DCAF12L1: variants seen among roughly 807,000 people sequenced by gnomAD.
DCAF12L1 encodes DDB1- and CUL4-associated factor 12-like protein 1.
For synonymous variants in DCAF12L1, 218 were observed against 196.4 expected, an observed-to-expected ratio of 1.11 and a Z score of -0.92; for missense variants, 251 against 409.2, an observed-to-expected ratio of 0.61 and a Z score of 3.34.
Position 126,551,683 on chromosome X carries a change from T to C in DCAF12L1, c.926A>G (p.Asn309Ser). ...LSIRLPYFRD[N>S]VCLTYCDDMS... ...ATCATCACAGTAGGTCAGGCACACA[T>C]TATCCCGGAAGTAGGGCAGCCTGAT... Residue 309 changes from asparagine (N) to serine (S), a missense_variant, in exon 1 of 2, where the codon AAT becomes AGT. Coordinates refer to ENST00000371126, the MANE Select transcript of DCAF12L1 (RefSeq NM_178470.5). 3 of 1,211,784 alleles carry C rather than the reference T, an allele frequency of 2.5e-6. No homozygotes were observed. The highest frequency in any genetic ancestry group is 3.3e-6 in the Non-Finnish European group (3 of 895,563).
rs894063375 is a variant in DCAF12L1, at chrX:126,550,270, G to T, written c.*860C>A. ...TATACCCTGGATCAGTATACATTCT[G>T]CCCAGCCTGCCATACATTCCACGTT... On this transcript the variant is annotated 3_prime_UTR_variant, in exon 2 of 2. Transcript: ENST00000371126. The T allele has an allele frequency of 1.8e-4, 20 of 111,902 alleles. No homozygotes were observed. The highest frequency in any genetic ancestry group is 6.5e-4 in the African/African-American group (20 of 30,697). 9.2% of individuals were successfully genotyped at this position (111,902 alleles called of 1,213,427 possible). A position where few individuals can be genotyped will look rare whatever the true frequency, so the allele number is the denominator to read the frequency against.
Position 126,550,776 on chromosome X carries a change from C to T in DCAF12L1, c.*354G>A, listed in dbSNP as rs1927447591. 1 of 118,011 alleles carries T rather than the reference C, an allele frequency of 8.5e-6. No homozygotes were observed. Among genetic ancestry groups the T allele is most frequent in the African/African-American group, 3.2e-5 (1 of 31,065 alleles). The allele number at this position is 118,011 out of a possible 1,213,427, so 9.7% of individuals were successfully genotyped here. A position where few individuals can be genotyped will look rare whatever the true frequency, so the allele number is the denominator to read the frequency against. On this transcript the variant is annotated 3_prime_UTR_variant, in exon 2 of 2. Transcript: ENST00000371126. ...GCTCTCCAGAAAAGATGTAGGAACA[C>T]CTTGCTTACTAGAAAATTTTCTCTT...
In DCAF12L1 at chrX:126,551,201, T is replaced by C; in HGVS notation, c.*16A>G. ...GAAAGGTAAATCTGTGTACCTGGAGTACAAGGCGGTCATCCTTAGCTCCAG... is the reference window on the plus strand; with the variant it reads ...GAAAGGTAAATCTGTGTACCTGGAGCACAAGGCGGTCATCCTTAGCTCCAG... On this transcript the variant is annotated 3_prime_UTR_variant, in exon 1 of 2. Coordinates refer to ENST00000371126, the MANE Select transcript of DCAF12L1 (RefSeq NM_178470.5). 1.7e-6 allele frequency: 2 copies of C among 1,190,006 alleles called. No individual in the cohort carries two copies. Among genetic ancestry groups the C allele is most frequent in the African/African-American group, 1.8e-5 (1 of 56,799 alleles).
At position 126,552,769 on chromosome X, in the gene DCAF12L1, G is replaced by A. The variant is rs1163100854; in HGVS notation, c.-161C>T. On this transcript the variant is annotated 5_prime_UTR_variant, in exon 1 of 2. Transcript: ENST00000371126. ...ACCGGGTGAGGGACGCGCGGGAGAG[G>A]GCGGCGGTGGCGGTGCAGACCTAGG... 2 of 862,707 alleles carry A rather than the reference G, an allele frequency of 2.3e-6. No individual in the cohort carries two copies. Among genetic ancestry groups the A allele is most frequent in the African/African-American group, 2.1e-5 (1 of 46,772 alleles). The allele number at this position is 862,707 out of a possible 1,213,427, so 71.1% of individuals were successfully genotyped here.
chrX:126,552,332 C>G lies in DCAF12L1; in HGVS notation c.277G>C (p.Glu93Gln), dbSNP rs747055344. 2.5e-6 allele frequency: 3 copies of G among 1,212,297 alleles called. No homozygotes were observed. The East Asian group carries it at 8.9e-5, about 36-fold the overall frequency. Residue 93 changes from glutamate to glutamine, a missense_variant, in exon 1 of 2, where the codon GAG becomes CAG. Coordinates refer to ENST00000371126, the MANE Select transcript of DCAF12L1 (RefSeq NM_178470.5). ...AACACCTTGTTGACCGTGCCCAGCT[C>G]CAGTTGGCGCTCCGTCAGCAGCTCG... ...LPELLTERQL[E>Q]LGTVNKVFAS...
At position 126,551,061 on chromosome X, in the gene DCAF12L1, C is replaced by G. The variant is rs919190239; in HGVS notation, c.*69G>C. The G allele has an allele frequency of 1.7e-6, 1 of 605,606 alleles. No individual in the cohort carries two copies. The highest frequency in any genetic ancestry group is 2.4e-6 in the Non-Finnish European group (1 of 414,416). 49.9% of individuals were successfully genotyped at this position (605,606 alleles called of 1,213,427 possible). Reference sequence around the variant, plus strand: ...AGTTTTCATTGACCAAAGGACCACTCACTCTCTCTGCTTGGAGGAGTACAA... The same window carrying G: ...AGTTTTCATTGACCAAAGGACCACTGACTCTCTCTGCTTGGAGGAGTACAA... On this transcript the variant is annotated 3_prime_UTR_variant, in exon 2 of 2. Coordinates refer to ENST00000371126, the MANE Select transcript of DCAF12L1 (RefSeq NM_178470.5).
Position 126,551,025 on chromosome X carries a change from T to C in DCAF12L1, c.*105A>G. ...ATGGTGTTGGAAAGGAGTCAAAAAG[T>C]CTTAAAGCCAAGTTTTCATTGACCA... is the stretch of plus-strand genomic sequence containing the variant. On this transcript the variant is annotated 3_prime_UTR_variant, in exon 2 of 2. Coordinates refer to ENST00000371126, the MANE Select transcript of DCAF12L1 (RefSeq NM_178470.5). 1 of 437,446 alleles carries C rather than the reference T, an allele frequency of 2.3e-6. No individual in the cohort carries two copies. Among genetic ancestry groups the C allele is most frequent in the Non-Finnish European group, 3.6e-6 (1 of 276,876 alleles). 36.1% of individuals were successfully genotyped at this position (437,446 alleles called of 1,213,427 possible). A position where few individuals can be genotyped will look rare whatever the true frequency, so the allele number is the denominator to read the frequency against.
Position 126,551,797 on chromosome X carries a change from C to A in DCAF12L1, c.812G>T (p.Gly271Val), listed in dbSNP as rs2147230547. 6 of 1,212,288 alleles carry A rather than the reference C, an allele frequency of 4.9e-6. No individual in the cohort carries two copies. The highest frequency in any genetic ancestry group is 6.7e-6 in the Non-Finnish European group (6 of 895,604). Reference sequence around the variant, plus strand: ...CGCTCCCAGTTCCTGGTTCTTGCCGCCGCAGGCCAGGGCCCGCACCTTGCG... The same window carrying A: ...CGCTCCCAGTTCCTGGTTCTTGCCGACGCAGGCCAGGGCCCGCACCTTGCG... Reference protein sequence around the residue: ...SNRKVRALACGGKNQELGAVS... With the variant: ...SNRKVRALACVGKNQELGAVS... The change falls in exon 1 of 2, where the codon GGC (glycine) becomes GTC (valine). Residue 271 changes from glycine (G) to valine (V), a missense_variant. Physicochemically the swap from Gly to Val is moderately radical, Grantham distance 109. Coordinates refer to ENST00000371126, the MANE Select transcript of DCAF12L1 (RefSeq NM_178470.5).
chrX:126,549,842 T>C lies in DCAF12L1; in HGVS notation c.*1288A>G, dbSNP rs1927433592. On this transcript the variant is annotated 3_prime_UTR_variant, in exon 2 of 2. Transcript: ENST00000371126. ...TGGCCAGTTTTAGAAATGACAAATA[T>C]TGCTTCTCACTTCCAGTAGTCTCAC... The C allele has an allele frequency of 8.9e-6, 1 of 112,159 alleles. No homozygotes were observed. The highest frequency in any genetic ancestry group is 9.5e-5 in the Admixed American group (1 of 10,557). The allele number at this position is 112,159 out of a possible 1,213,427, so 9.2% of individuals were successfully genotyped here.
In DCAF12L1 at chrX:126,551,485, T is replaced by A; in HGVS notation, c.1124A>T (p.Tyr375Phe). 1 of 1,211,245 alleles carries A rather than the reference T, an allele frequency of 8.3e-7. No individual in the cohort carries two copies. The highest frequency in any genetic ancestry group is 1.7e-5 in the African/African-American group (1 of 57,688). The change falls in exon 1 of 2, where the codon TAT (tyrosine) becomes TTT (phenylalanine). Residue 375 changes from tyrosine to phenylalanine, a missense_variant. Physicochemically the swap from Tyr to Phe is conservative, Grantham distance 22. Transcript: ENST00000371126. Reference protein sequence around the residue: ...VGTGQGSLLFYDVRAQKFLEE... With the variant: ...VGTGQGSLLFFDVRAQKFLEE... ...CAGGAATTTCTGGGCCCGGACGTCA[T>A]AGAAGAGCAGGGAGCCCTGACCGGT... is the stretch of plus-strand genomic sequence containing the variant.
Position 126,552,333 on chromosome X carries a change from C to T in DCAF12L1, c.276G>A (p.Leu92=), listed in dbSNP as rs771099108. 4.1e-6 allele frequency: 5 copies of T among 1,212,380 alleles called. No individual in the cohort carries two copies. In the East Asian group the frequency reaches 1.5e-4, roughly 36 times the overall value. ...RLPELLTERQ[L]ELGTVNKVFA... ...ACACCTTGTTGACCGTGCCCAGCTC[C>T]AGTTGGCGCTCCGTCAGCAGCTCGG... Residue 92 remains leucine, a synonymous_variant, in exon 1 of 2, where the codon CTG becomes CTA. Transcript: ENST00000371126.
At position 126,552,383 on chromosome X, in the gene DCAF12L1, G is replaced by T; in HGVS notation, c.226C>A (p.Arg76=). Residue 76 remains arginine, a synonymous_variant, in exon 1 of 2, where the codon CGG becomes AGG. Transcript: ENST00000371126. ...GGCAGCCTCTGTACCGCGTAGCCCC[G>T]CAGCTCGCCATCGAAGCCCTGGAGC... ...ARLQGFDGEL[R]GYAVQRLPEL... The T allele has an allele frequency of 8.3e-7, 1 of 1,211,517 alleles. No homozygotes were observed. The highest frequency in any genetic ancestry group is 3.0e-5 in the East Asian group (1 of 33,812).
Position 126,550,485 on chromosome X carries a change from A to G in DCAF12L1, c.*645T>C, listed in dbSNP as rs757977233. On this transcript the variant is annotated 3_prime_UTR_variant, in exon 2 of 2. Transcript: ENST00000371126. ...GAAATAAAAAAAAATGGTTGTTTCA[A>G]CTTTCAGGTTAATTCTGAAAATGCA... is the stretch of plus-strand genomic sequence containing the variant. 6 of 112,682 alleles carry G rather than the reference A, an allele frequency of 5.3e-5. No homozygotes were observed. Among genetic ancestry groups the G allele is most frequent in the Non-Finnish European group, 9.4e-5 (5 of 53,298 alleles). The allele number at this position is 112,682 out of a possible 1,213,427, so 9.3% of individuals were successfully genotyped here.
rs1321889996 is a variant in DCAF12L1, at chrX:126,552,478, C to T, written c.131G>A (p.Arg44Gln). 4.1e-6 allele frequency: 5 copies of T among 1,210,622 alleles called. No individual in the cohort carries two copies. Among genetic ancestry groups the T allele is most frequent in the Non-Finnish European group, 5.6e-6 (5 of 895,401 alleles). Residue 44 changes from arginine (R) to glutamine (Q), a missense_variant, in exon 1 of 2, where the codon CGG becomes CAG. Arg to Gln is a conservative substitution (Grantham distance 43). Coordinates refer to ENST00000371126, the MANE Select transcript of DCAF12L1 (RefSeq NM_178470.5). The part of the protein sequence containing the change: ...EGPLLLKRQR[R>Q]PATYRSMAHY... ...CGCCATCGAGCGATACGTCGCCGGC[C>T]GCCTCTGCCTCTTGAGTAGCAGCGG...
chrX:126,551,828 T>C lies in DCAF12L1; in HGVS notation c.781A>G (p.Ser261Gly). ...EAIPRAIINP[S>G]NRKVRALACG... The stretch of plus-strand genomic sequence containing the variant: ...GCCAGGGCCCGCACCTTGCGGTTAC[T>C]GGGGTTGATGATGGCCCTGGGGATG... Residue 261 changes from serine (S) to glycine (G), a missense_variant, in exon 1 of 2, where the codon AGT becomes GGT. Ser to Gly is a moderately conservative substitution (Grantham distance 56). Coordinates refer to ENST00000371126, the MANE Select transcript of DCAF12L1 (RefSeq NM_178470.5). 1 of 1,212,326 alleles carries C rather than the reference T, an allele frequency of 8.2e-7. No homozygotes were observed. The highest frequency in any genetic ancestry group is 1.1e-6 in the Non-Finnish European group (1 of 895,641).
In DCAF12L1 at chrX:126,552,802, G is replaced by A. The variant is rs1927492117; in HGVS notation, c.-194C>T. ...TGGCGGTGCAGACCTAGGCGAAGGCGGGAAGTGCGTCTGGCCGGGCAGTGA... is the reference window on the plus strand; with the variant it reads ...TGGCGGTGCAGACCTAGGCGAAGGCAGGAAGTGCGTCTGGCCGGGCAGTGA... On this transcript the variant is annotated 5_prime_UTR_variant, in exon 1 of 2. Transcript: ENST00000371126. The A allele has an allele frequency of 2.9e-6, 2 of 681,996 alleles. No homozygotes were observed. The highest frequency in any genetic ancestry group is 4.1e-6 in the Non-Finnish European group (2 of 484,236). The allele number at this position is 681,996 out of a possible 1,213,427, so 56.2% of individuals were successfully genotyped here.
Position 126,551,529 on chromosome X carries a change from G to C in DCAF12L1, c.1080C>G (p.Arg360=), listed in dbSNP as rs757185760. The change falls in exon 1 of 2, where the codon CGC becomes CGG. Residue 360 remains arginine (R), a synonymous_variant. Coordinates refer to ENST00000371126, the MANE Select transcript of DCAF12L1 (RefSeq NM_178470.5). ...GTGVRSLSFY[R]HIITVGTGQG... ...GACCGGTGCCCACAGTGATGATGTG[G>C]CGGTAGAAGCTCAGCGACCGCACGC... 7 of 1,209,622 alleles carry C rather than the reference G, an allele frequency of 5.8e-6. No individual in the cohort carries two copies. The highest frequency in any genetic ancestry group is 6.7e-6 in the Non-Finnish European group (6 of 895,219).
rs765744357 is a variant in DCAF12L1 at position 126,552,512 on chromosome X, C to G, written c.97G>C (p.Gly33Arg). The change falls in exon 1 of 2, where the codon GGT becomes CGT. Residue 33 changes from glycine to arginine, a missense_variant. Transcript: ENST00000371126. Reference sequence around the variant, plus strand: ...CTCTTGAGTAGCAGCGGCCCCTCACCGTCCGCTGCCGCCAAGCCCTGCGAC... The same window carrying G: ...CTCTTGAGTAGCAGCGGCCCCTCACGGTCCGCTGCCGCCAAGCCCTGCGAC... ...SPSQGLAAAD[G>R]EGPLLLKRQR... 4.1e-5 allele frequency: 49 copies of G among 1,208,012 alleles called. No homozygotes were observed. The highest frequency in any genetic ancestry group is 5.4e-5 in the Non-Finnish European group (48 of 895,001).
Position 126,552,225 on chromosome X carries a change from G to T in DCAF12L1, c.384C>A (p.Gly128=). The change falls in exon 1 of 2, where the codon GGC becomes GGA. Residue 128 remains glycine (G), a synonymous_variant. Coordinates refer to ENST00000371126, the MANE Select transcript of DCAF12L1 (RefSeq NM_178470.5). The part of the protein sequence containing the change: ...NTLFVVDVES[G]HIARIPLLRD... Reference sequence around the variant, plus strand: ...GCAAGAGGGGAATGCGCGCGATGTGGCCTGACTCCACGTCCACCACGAAAA... The same window carrying T: ...GCAAGAGGGGAATGCGCGCGATGTGTCCTGACTCCACGTCCACCACGAAAA... The T allele has an allele frequency of 8.2e-7, 1 of 1,212,605 alleles. No homozygotes were observed. Among genetic ancestry groups the T allele is most frequent in the Non-Finnish European group, 1.1e-6 (1 of 895,672 alleles).
Sources: gnomAD v4.1 joint callset for allele counts on GRCh38, gnomAD v4.1.1 for gene constraint, MANE v1.5 for transcripts, NCBI Gene and HGNC (gene_info 2026-07-23, HGNC 2026-07-21) for gene names.